Variants in AGBL1 observed in about 807,000 individuals in gnomAD.
AGBL1 encodes the protein cytosolic carboxypeptidase 4.
Under a neutral mutation model 118.9 loss-of-function variants are expected in AGBL1, and 130 were observed. The ratio of observed to expected loss-of-function variants is 1.09; its 90% CI spans 0.95 to 1.26. The LOEUF (loss-of-function observed/expected upper bound fraction) is 1.26, where lower values mean the gene tolerates loss of function less well. AGBL1 is among the 50% of genes most tolerant of loss of function. AGBL1 has a pLI of 0.00. For synonymous variants in AGBL1, 555 were observed against 478.9 expected (o/e 1.16, Z -2.08); for missense variants, 1,584 against 1,298.1 (o/e 1.22, Z -3.38).
intron 18 of AGBL1, among the ~76,000 whole-genome samples, chr15:86,512,252 C>G (rs1033868131): frequency 3.3e-5 from 5 of 151,864 alleles, no homozygotes; most frequent in African/African-American, 1.2e-4. Context: ...ATGTCCATAT[C>G]TTTCTGCTCA....
chr15:86,113,212 T>TTTTTCTTTTTCTTTTCTTTTC (rs1555430664), intron 1 of AGBL1, among the ~76,000 whole-genome samples: 14 of 122,132 alleles, frequency 1.1e-4, no homozygotes, highest in African/African-American at 2.3e-4. Flanking sequence ...TTTCTTTTTC[T>TTTTTCTTTTTCTTTTCTTTTC]TTTTCTTTTC....
chr15:86,111,143 C>T (rs16948396), intron 1 of AGBL1, among the ~76,000 whole-genome samples: 1,883 of 152,282 alleles, frequency 0.012, 56 homozygotes, highest in African/African-American at 0.043. Flanking sequence ...TGGTCCTGAG[C>T]GTCTCCTGTT....
At chr15:86,614,541 G>T (rs967104331) in intron 21 of AGBL1, among the ~76,000 whole-genome samples, 13 of 152,198 alleles carry the variant, frequency 8.5e-5, no homozygotes, top group African/African-American at 2.9e-4. Flanking sequence ...AAACAGGTTT[G>T]AAATGAGCTT....
chr15:86,698,017 A>G (rs898583475), intron 22 of AGBL1, among the ~76,000 whole-genome samples: 10 of 151,998 alleles, frequency 6.6e-5, no homozygotes, highest in Admixed American at 5.9e-4. Context: ...TTCCTGCAGT[A>G]GTTCTTGGAG....
At position 86,271,650 on chromosome 15, in the gene AGBL1, G is replaced by A. The variant is rs776239634; in HGVS notation, c.2019G>A (p.Glu673=). The change falls in exon 15 of 23, where the codon GAG becomes GAA. Residue 673 remains glutamate (E), a synonymous_variant. Transcript: ENST00000614907. ...AGCCCACCCTATATTCTGTGAAGGA[G>A]GCTCTTCTTGGCAAACCCACCTGGA... The part of the protein sequence containing the change: ...GMQPTLYSVK[E]ALLGKPTWIR... 2 of 1,613,134 alleles carry A rather than the reference G, an allele frequency of 1.2e-6. No homozygotes were observed.
intron 22 of AGBL1, among the ~76,000 whole-genome samples, chr15:86,875,025 A>T (rs1430235672): frequency 6.6e-6 from 1 of 152,112 alleles, no homozygotes; most frequent in Non-Finnish European, 1.5e-5. Context: ...AGTTCAGAAA[A>T]CAAAGAGATC....
At chr15:86,610,739 A>T (rs57527678) in intron 21 of AGBL1, among the ~76,000 whole-genome samples, 4,001 of 152,274 alleles carry the variant, frequency 0.026, 104 homozygotes, top group East Asian at 0.14. Flanking sequence ...ATCAGTACTT[A>T]ACTTCGCTTC....
At chr15:86,713,026 T>G (rs1448013953) in intron 22 of AGBL1, among the ~76,000 whole-genome samples, 2 of 152,186 alleles carry the variant, frequency 1.3e-5, no homozygotes, top group East Asian at 3.9e-4. Flanking sequence ...ATTTAGCTTG[T>G]GTGTCTGTTT....
chr15:86,283,092 A>G (rs1438314755), intron 16 of AGBL1, among the ~76,000 whole-genome samples: 1 of 152,218 alleles, frequency 6.6e-6, no homozygotes, highest in Non-Finnish European at 1.5e-5. Flanking sequence ...AGAAAGAAAT[A>G]TACTATTGTA....
intron 22 of AGBL1, among the ~76,000 whole-genome samples, chr15:86,817,882 C>G (rs1442424501): frequency 6.6e-6 from 1 of 152,110 alleles, no homozygotes; most frequent in Non-Finnish European, 1.5e-5. Context: ...AACTGACATC[C>G]TTAGAAGAGA....
rs780288036 is a variant in AGBL1 at position 86,636,758 on chromosome 15, T to TATATATACAC, written c.2995-37514_2995-37513insTATATACACA. Among the ~76,000 whole-genome samples, 12 of 29,984 alleles carry TATATATACAC rather than the reference T, an allele frequency of 4.0e-4. 1 individual carries two copies. Among genetic ancestry groups the TATATATACAC allele is most frequent in the Non-Finnish European group, 6.7e-4 (11 of 16,468 alleles). The allele number at this position is 29,984 out of a possible 152,430, so 19.7% of individuals were successfully genotyped here. Reference sequence around the variant, plus strand: ...ATATATATATATATATATATATATATACACATACATACAGAAAGGCAAGAG... The same window carrying TATATATACAC: ...ATATATATATATATATATATATATATATATATACACACACATACATACAGAAAGGCAAGAG... On this transcript the variant is annotated intron_variant, in intron 21 of 22. Coordinates refer to ENST00000614907, the MANE Select transcript of AGBL1 (RefSeq NM_001386094.1).
chr15:86,516,366 T>A (rs370779142), intron 18 of AGBL1, among the ~76,000 whole-genome samples: 24 of 152,252 alleles, frequency 1.6e-4, no homozygotes, highest in African/African-American at 5.8e-4. Flanking sequence ...CTTAGTGATC[T>A]TGAGGTCTCG....
Position 86,439,965 on chromosome 15 carries a change from T to C in AGBL1, c.2555+42419T>C, listed in dbSNP as rs138904996. Among the ~76,000 whole-genome samples, 335 of 152,200 alleles carry C rather than the reference T, an allele frequency of 2.2e-3. 4 individuals are homozygous for C. Among genetic ancestry groups the C allele is most frequent in the African/African-American group, 7.7e-3 (318 of 41,458 alleles). The stretch of plus-strand genomic sequence containing the variant: ...TGGCCTTCATCAGTACCCTAGCCAG[T>C]CTTATATCTGAAGTTTTTAGCCATA... On this transcript the variant is annotated intron_variant, in intron 18 of 22. Transcript: ENST00000614907.
intron 19 of AGBL1, among the ~76,000 whole-genome samples, chr15:86,530,157 G>T (rs982178053): frequency 1.4e-5 from 2 of 141,788 alleles, no homozygotes; most frequent in Non-Finnish European, 3.0e-5. Flanking sequence ...AAAAGACACA[G>T]ACTGGCAAGT....
intron 21 of AGBL1, among the ~76,000 whole-genome samples, chr15:86,633,692 C>A (rs1043886728): frequency 6.6e-6 from 1 of 150,640 alleles, no homozygotes; most frequent in African/African-American, 2.4e-5. Flanking sequence ...TCTTATATTT[C>A]AAACATATTT....
chr15:86,367,635 G>C (rs529581090), intron 17 of AGBL1, among the ~76,000 whole-genome samples: 1 of 152,178 alleles, frequency 6.6e-6, no homozygotes, highest in Non-Finnish European at 1.5e-5. Flanking sequence ...AGAGATGCAT[G>C]GTAGGGAGGA....
intron 18 of AGBL1, among the ~76,000 whole-genome samples, chr15:86,514,431 C>A (rs1327602326): frequency 6.6e-6 from 1 of 152,016 alleles, no homozygotes; most frequent in Non-Finnish European, 1.5e-5. Flanking sequence ...TTAGCTTTAC[C>A]ATTTATAGCC....
chr15:86,134,862 C>T (rs1402858882), intron 1 of AGBL1, among the ~76,000 whole-genome samples: 2 of 151,922 alleles, frequency 1.3e-5, no homozygotes. Flanking sequence ...ATCTGCCTGC[C>T]TCAGCCTCCC....
chr15:86,643,875 C>T (rs1162866847), intron 21 of AGBL1, among the ~76,000 whole-genome samples: 1 of 152,104 alleles, frequency 6.6e-6, no homozygotes, highest in Non-Finnish European at 1.5e-5. Flanking sequence ...TCAACAGGCC[C>T]TTAGAGAAGA....
Sources: gnomAD v4.1 joint callset for allele counts (sites outside exome capture counted in the v4.1 genomes callset) on GRCh38, gnomAD v4.1.1 for gene constraint, MANE v1.5 for transcripts, NCBI Gene and HGNC (gene_info 2026-07-23, HGNC 2026-07-21) for gene names.